PGCKA1: variants seen among roughly 807,000 people sequenced by gnomAD.
PGCKA1 encodes the protein PDCD10 and GCKIII kinases-associated protein 1.
At chr4:37,481,862 C>G in the PGCKA1 span, among the ~76,000 whole-genome samples, 2 of 152,148 alleles carry the variant, frequency 1.3e-5, no homozygotes, top group South Asian at 4.1e-4. Context: ...GTAATTTAAT[C>G]ATGGGGGCAG....
the PGCKA1 span, among the ~76,000 whole-genome samples, chr4:37,570,080 C>T: frequency 6.8e-6 from 1 of 146,772 alleles, no homozygotes; most frequent in African/African-American, 2.5e-5. Flanking sequence ...CCCAGGTTCA[C>T]GCCATTCTCC....
the PGCKA1 span, among the ~76,000 whole-genome samples, chr4:37,516,138 G>T: frequency 2.6e-5 from 4 of 152,132 alleles, no homozygotes; most frequent in Non-Finnish European, 5.9e-5. Flanking sequence ...CATCATCTTT[G>T]TGACAAGATC....
chr4:37,592,190 C>G, the PGCKA1 span, among the ~76,000 whole-genome samples: 2 of 129,982 alleles, frequency 1.5e-5, no homozygotes, highest in African/African-American at 2.9e-5. Flanking sequence ...GCCTGGGTGA[C>G]AGTGCAAGAC....
At chr4:37,531,538 G>A in the PGCKA1 span, among the ~76,000 whole-genome samples, 1 of 151,892 alleles carries the variant, frequency 6.6e-6, no homozygotes, top group African/African-American at 2.4e-5. Flanking sequence ...CAGAAATTTT[G>A]TGAGATTTTT....
chr4:37,506,782 A>C, the PGCKA1 span, among the ~76,000 whole-genome samples: 2 of 152,112 alleles, frequency 1.3e-5, no homozygotes, highest in Non-Finnish European at 2.9e-5. Context: ...TTCTGTAAAT[A>C]TCTATTGATT....
At chr4:37,556,223 T>A in the PGCKA1 span, among the ~76,000 whole-genome samples, 1 of 151,970 alleles carries the variant, frequency 6.6e-6, no homozygotes, top group African/African-American at 2.4e-5. Context: ...CTGGTCACTA[T>A]TAGTTTTTCT....
the PGCKA1 span, among the ~76,000 whole-genome samples, chr4:37,548,558 A>T: frequency 0.14 from 21,309 of 152,130 alleles, 2,061 homozygotes; most frequent in East Asian, 0.44. Flanking sequence ...AAAAGAGTCT[A>T]TAAAATCTTA....
At chr4:37,569,352 C>G in the PGCKA1 span, among the ~76,000 whole-genome samples, 2 of 151,894 alleles carry the variant, frequency 1.3e-5, no homozygotes, top group Non-Finnish European at 2.9e-5. Flanking sequence ...CACCTGCCAC[C>G]ACGCCCAGCT....
the PGCKA1 span, among the ~76,000 whole-genome samples, chr4:37,499,040 T>C: frequency 6.6e-6 from 1 of 152,354 alleles, no homozygotes; most frequent in Non-Finnish European, 1.5e-5. Flanking sequence ...TGAAGGGGCG[T>C]TGAATTTTAT....
the PGCKA1 span, among the ~76,000 whole-genome samples, chr4:37,513,510 A>C: frequency 6.6e-6 from 1 of 152,204 alleles, no homozygotes; most frequent in Non-Finnish European, 1.5e-5. Context: ...TTCTTCCTGC[A>C]AGGACACTAA....
At chr4:37,475,936 T>A in the PGCKA1 span, among the ~76,000 whole-genome samples, 1 of 151,064 alleles carries the variant, frequency 6.6e-6, no homozygotes, top group East Asian at 1.9e-4. Context: ...AACTAAAATA[T>A]GTATTTTATT....
At chr4:37,551,453 A>T in the PGCKA1 span, among the ~76,000 whole-genome samples, 1 of 152,222 alleles carries the variant, frequency 6.6e-6, no homozygotes, top group South Asian at 2.1e-4. Context: ...TGTTTTAGAA[A>T]TCATCACTAA....
chr4:37,475,565 A>G, the PGCKA1 span, among the ~76,000 whole-genome samples: 1 of 152,214 alleles, frequency 6.6e-6, no homozygotes, highest in Non-Finnish European at 1.5e-5. Flanking sequence ...TTGTAATGTT[A>G]CAGGAAATTT....
the PGCKA1 span, chr4:37,590,650 G>T: frequency 1.2e-6 from 2 of 1,614,022 alleles, no homozygotes; most frequent in East Asian, 2.2e-5. Flanking sequence ...TGGAGACAAC[G>T]TTGATCATAA....
the PGCKA1 span, among the ~76,000 whole-genome samples, chr4:37,501,280 G>T: frequency 6.6e-6 from 1 of 152,116 alleles, no homozygotes; most frequent in South Asian, 2.1e-4. Context: ...ACAGCAGGAA[G>T]TGAGTGGTGG....
At chr4:37,552,489 A>G in the PGCKA1 span, among the ~76,000 whole-genome samples, 1 of 152,278 alleles carries the variant, frequency 6.6e-6, no homozygotes, top group South Asian at 2.1e-4. Context: ...TTGTCATTTT[A>G]TGCATAAGGA....
chr4:37,560,688 C>T, the PGCKA1 span, among the ~76,000 whole-genome samples: 1 of 152,122 alleles, frequency 6.6e-6, no homozygotes, highest in Non-Finnish European at 1.5e-5. Flanking sequence ...AGCTTCCCTC[C>T]CTGCATCTAG....
chr4:37,464,638 C>T, the PGCKA1 span, among the ~76,000 whole-genome samples: 2 of 152,176 alleles, frequency 1.3e-5, no homozygotes, highest in Non-Finnish European at 2.9e-5. Flanking sequence ...TGGCTCCCCT[C>T]GTCTTGACCT....
At chr4:37,457,078 C>T in the PGCKA1 span, among the ~76,000 whole-genome samples, 1 of 152,168 alleles carries the variant, frequency 6.6e-6, no homozygotes, top group Admixed American at 6.5e-5. Context: ...GGTTTTTAAT[C>T]ACAGAAAAAG....
Sources: gnomAD v4.1 joint callset for allele counts (sites outside exome capture counted in the v4.1 genomes callset) on GRCh38, gnomAD v4.1.1 for gene constraint, MANE v1.5 for transcripts, NCBI Gene and HGNC (gene_info 2026-07-23, HGNC 2026-07-21) for gene names.